Variants in ACTR2 observed in about 807,000 individuals in gnomAD.
ACTR2 encodes actin related protein 2.
Under a neutral mutation model 50.2 loss-of-function variants are expected in ACTR2, and 5 were observed. That is an observed-to-expected ratio of 0.10 (90% CI 0.05 to 0.21). ACTR2 has a LOEUF of 0.21. Among genes scored for constraint, ACTR2 ranks in the 10% least tolerant of loss-of-function variants. The pLI is 1.00. For missense variants in ACTR2, 180 were observed against 480.6 expected (o/e 0.37, Z 5.85); for synonymous variants, 140 against 162.9 (o/e 0.86, Z 1.07).
chr2:65,233,654 C>T (rs1671680720), intron 1 of ACTR2, among the ~76,000 whole-genome samples: 1 of 151,456 alleles, frequency 6.6e-6, no homozygotes, highest in South Asian at 2.1e-4. Context: ...CTCTGTCTCC[C>T]AGGCTGGAGT....
chr2:65,259,152 G>T (rs1392131816), intron 6 of ACTR2, among the ~76,000 whole-genome samples: 1 of 151,930 alleles, frequency 6.6e-6, no homozygotes, highest in South Asian at 2.1e-4. Context: ...GGCCAGGCGC[G>T]GTGGCTCTTC....
At chr2:65,260,729 CTTTTTT>C (rs34258160) in intron 6 of ACTR2, among the ~76,000 whole-genome samples, 1 of 132,148 alleles carries the variant, frequency 7.6e-6, no homozygotes, top group Non-Finnish European at 1.6e-5. Context: ...CGTGGCATAC[CTTTTTT>C]TTTTTTTTTT....
In ACTR2 at chr2:65,269,301, T is replaced by TAA. The variant is rs1672443809; in HGVS notation, c.*567_*568insAA. ...TCAGAACTAAAGTGTTTTGGGTGGG[T>TAA]TTTGTTGCGGGGGGGAGGGTAACAA... is the stretch of plus-strand genomic sequence containing the variant. On this transcript the variant is annotated 3_prime_UTR_variant, in exon 9 of 9. Coordinates refer to ENST00000260641, the MANE Select transcript of ACTR2 (RefSeq NM_005722.4). 1 of 151,654 alleles carries TAA rather than the reference T, an allele frequency of 6.6e-6. No homozygotes were observed. Among genetic ancestry groups the TAA allele is most frequent in the Non-Finnish European group, 1.5e-5 (1 of 67,902 alleles). The allele number at this position is 151,654 out of a possible 1,614,324, so 9.4% of individuals were successfully genotyped here. A position where few individuals can be genotyped will look rare whatever the true frequency, so the allele number is the denominator to read the frequency against.
At chr2:65,227,996 C>T in intron 1 of ACTR2, 39 bp downstream of exon 1, 1 of 1,478,662 alleles carries the variant, frequency 6.8e-7, no homozygotes, top group Non-Finnish European at 9.0e-7. Context: ...GCCACAGACG[C>T]CGGCGGGGAC....
intron 2 of ACTR2, among the ~76,000 whole-genome samples, chr2:65,245,409 A>C (rs563155594): frequency 2.9e-4 from 44 of 152,144 alleles, no homozygotes; most frequent in African/African-American, 1.1e-3. Flanking sequence ...AATCCCAGCT[A>C]CTCAGGAGGC....
chr2:65,233,550 G>T (rs1170028554), intron 1 of ACTR2, among the ~76,000 whole-genome samples: 1 of 151,774 alleles, frequency 6.6e-6, no homozygotes, highest in Non-Finnish European at 1.5e-5. Flanking sequence ...TTCTTGCAGA[G>T]CAGGACTACC....
At chr2:65,264,388 A>C (rs928722774) in intron 7 of ACTR2, among the ~76,000 whole-genome samples, 2 of 152,222 alleles carry the variant, frequency 1.3e-5, no homozygotes, top group Non-Finnish European at 2.9e-5. Context: ...ATGGGTGCAA[A>C]TCAGCTCCCA....
At chr2:65,249,650 C>G (rs150747185) in intron 3 of ACTR2, among the ~76,000 whole-genome samples, 1 of 152,118 alleles carries the variant, frequency 6.6e-6, no homozygotes, top group Non-Finnish European at 1.5e-5. Flanking sequence ...TTTAGATATT[C>G]AGAGTGATAG....
intron 3 of ACTR2, among the ~76,000 whole-genome samples, chr2:65,247,518 G>A (rs183664089): frequency 1.1e-4 from 16 of 152,282 alleles, no homozygotes; most frequent in African/African-American, 3.6e-4. Flanking sequence ...AACCCTTGAG[G>A]CAGAGCTTGC....
intron 7 of ACTR2, among the ~76,000 whole-genome samples, chr2:65,261,883 A>G (rs1194776925): frequency 6.6e-6 from 1 of 152,196 alleles, no homozygotes. Flanking sequence ...TTTTCTCCAC[A>G]TCCTCGCCAG....
intron 1 of ACTR2, among the ~76,000 whole-genome samples, chr2:65,239,169 A>G (rs1260218539): frequency 6.6e-6 from 1 of 151,872 alleles, no homozygotes; most frequent in African/African-American, 2.4e-5. Flanking sequence ...AATACTTAGC[A>G]TTTTGCCGGG....
intron 2 of ACTR2, among the ~76,000 whole-genome samples, chr2:65,245,286 G>A (rs578046033): frequency 1.3e-5 from 2 of 152,062 alleles, no homozygotes; most frequent in African/African-American, 4.8e-5. Context: ...TTGGGAGGCC[G>A]AGATGGGTGA....
chr2:65,246,717 A>G lies in ACTR2; in HGVS notation c.353A>G (p.Lys118Arg). ...LLTEPPMNPT[K>R]NREKIVEVMF... ...ACAGAACCTCCTATGAACCCAACCA[A>G]AAACAGAGAGAAGATTGTAGAGGTG... Residue 118 changes from lysine (K) to arginine (R), a missense_variant, in exon 3 of 9, where the codon AAA (lysine) becomes AGA (arginine). Coordinates refer to ENST00000260641, the MANE Select transcript of ACTR2 (RefSeq NM_005722.4). 1 of 1,610,148 alleles carries G rather than the reference A, an allele frequency of 6.2e-7. No homozygotes were observed. Among genetic ancestry groups the G allele is most frequent in the Non-Finnish European group, 8.5e-7 (1 of 1,178,442 alleles).
At position 65,261,389 on chromosome 2, in the gene ACTR2, C is replaced by G; in HGVS notation, c.878C>G (p.Thr293Ser). The change falls in exon 7 of 9, where the codon ACC (threonine) becomes AGC (serine). Residue 293 changes from threonine to serine, a missense_variant. Transcript: ENST00000260641. ...FNTIQAADID[T>S]RSEFYKHIVL... is the part of the protein sequence containing the mutation. Reference sequence around the variant, plus strand: ...ACAATTCAGGCAGCTGACATTGATACCAGGTACATTAGAAGTGGTGATTTC... The same window carrying G: ...ACAATTCAGGCAGCTGACATTGATAGCAGGTACATTAGAAGTGGTGATTTC... 1 of 1,611,188 alleles carries G rather than the reference C, an allele frequency of 6.2e-7. No individual in the cohort carries two copies. Among genetic ancestry groups the G allele is most frequent in the Non-Finnish European group, 8.5e-7 (1 of 1,178,696 alleles).
intron 5 of ACTR2, among the ~76,000 whole-genome samples, chr2:65,255,205 C>T (rs1558626607): frequency 1.3e-5 from 2 of 152,148 alleles, no homozygotes; most frequent in Admixed American, 6.5e-5. Context: ...CTGCAGGCTA[C>T]AGGAGTCCAG....
intron 3 of ACTR2, among the ~76,000 whole-genome samples, chr2:65,249,269 G>T (rs1472654633): frequency 7.9e-5 from 12 of 152,100 alleles, no homozygotes; most frequent in Admixed American, 7.9e-4. Context: ...AGAAAATGTT[G>T]TTAGTATTTT....
At chr2:65,265,982 TTAAC>T (rs1297784959) in intron 8 of ACTR2, among the ~76,000 whole-genome samples, 1 of 152,206 alleles carries the variant, frequency 6.6e-6, no homozygotes, top group African/African-American at 2.4e-5. Context: ...ATTAAACAGA[TTAAC>T]AGACTGGAAA....
chr2:65,261,521 C>A, intron 7 of ACTR2, 129 bp downstream of exon 7: 3 of 961,670 alleles, frequency 3.1e-6, no homozygotes, highest in Non-Finnish European at 4.4e-6. Flanking sequence ...GAAATAATTT[C>A]AGACTTACGG....
intron 1 of ACTR2, among the ~76,000 whole-genome samples, chr2:65,233,297 A>AT (rs904653541): frequency 6.6e-5 from 10 of 151,566 alleles, no homozygotes; most frequent in South Asian, 2.1e-4. Flanking sequence ...CCCAGTCTAG[A>AT]TTTTTTTTAA....
Sources: gnomAD v4.1 joint callset for allele counts (sites outside exome capture counted in the v4.1 genomes callset) on GRCh38, gnomAD v4.1.1 for gene constraint, MANE v1.5 for transcripts, NCBI Gene and HGNC (gene_info 2026-07-23, HGNC 2026-07-21) for gene names.